Variants in SMC2 observed in about 807,000 individuals in gnomAD.
SMC2 encodes structural maintenance of chromosomes 2, also known as structural maintenance of chromosomes protein 2.
Under a neutral mutation model 142.6 loss-of-function variants are expected in SMC2, and 41 were observed. The ratio of observed to expected loss-of-function variants is 0.29; its 90% CI spans 0.22 to 0.37. The LOEUF is 0.37. Among genes scored for constraint, SMC2 ranks in the 10% least tolerant of loss-of-function variants. The probability of loss-of-function intolerance (pLI) is 1.00; values close to 1 mark genes in which losing one functional copy is unlikely to be tolerated. For synonymous variants in SMC2, 463 were observed against 457.5 expected (o/e 1.01, Z -0.15); for missense variants, 1,265 against 1,373.7 (o/e 0.92, Z 1.25).
At chr9:104,136,594 T>TTTTTTTTTTAAGATTAAG (rs1835552737) in intron 23 of SMC2, among the ~76,000 whole-genome samples, 1 of 149,976 alleles carries the variant, frequency 6.7e-6, no homozygotes, top group Non-Finnish European at 1.5e-5. Context: ...CACAGCAGAA[T>TTTTTTTTTTAAGATTAAG]TTTTTTTTTA....
intron 1 of SMC2, 87 bp downstream of exon 1, chr9:104,094,564 G>A: frequency 2.7e-6 from 1 of 366,666 alleles, no homozygotes; most frequent in Non-Finnish European, 4.9e-6. Flanking sequence ...CGCGGGGCGC[G>A]GGGGCTGTAG....
At chr9:104,106,862 G>C (rs1205204870) in intron 9 of SMC2, among the ~76,000 whole-genome samples, 2 of 152,014 alleles carry the variant, frequency 1.3e-5, no homozygotes, top group Non-Finnish European at 2.9e-5. Flanking sequence ...TGAGCGTAAT[G>C]CCCATGTTCA....
At chr9:104,137,615 C>T (rs1024205478) in intron 23 of SMC2, among the ~76,000 whole-genome samples, 5 of 152,032 alleles carry the variant, frequency 3.3e-5, no homozygotes, top group African/African-American at 1.2e-4. Flanking sequence ...TGACATCTAA[C>T]TCAGTTACTG....
rs777109270 is a variant in SMC2 at position 104,102,198 on chromosome 9, G to T, written c.870+5G>T. 1 of 1,458,632 alleles carries T rather than the reference G, an allele frequency of 6.9e-7. No homozygotes were observed. Among genetic ancestry groups the T allele is most frequent in the Non-Finnish European group, 9.5e-7 (1 of 1,056,310 alleles). The allele number at this position is 1,458,632 out of a possible 1,614,324, so 90.4% of individuals were successfully genotyped here. A position where few individuals can be genotyped will look rare whatever the true frequency, so the allele number is the denominator to read the frequency against. ...TTGGAAAAAAGAAAAGATAAGGTCT[G>T]AACATATGTATAAGAATCGATAATA... is the stretch of plus-strand genomic sequence containing the variant. On this transcript the variant is annotated splice_donor_5th_base_variant and intron_variant, in intron 8 of 24. Coordinates refer to ENST00000374793, the MANE Select transcript of SMC2 (RefSeq NM_006444.3).
intron 3 of SMC2, among the ~76,000 whole-genome samples, chr9:104,096,702 T>A (rs1830476652): frequency 6.6e-6 from 1 of 152,238 alleles, no homozygotes; most frequent in Admixed American, 6.5e-5. Flanking sequence ...TTTTATTCAT[T>A]AATCCTAGTC....
rs1832727692 is a variant in SMC2 at position 104,113,528 on chromosome 9, T to TA, written c.1414+58dup. ...ATCATGAGGAGGTAGTGATTTTTGA[T>TA]AAAAAGCTAATTTAAATAAAGAACG... On this transcript the variant is annotated intron_variant, in intron 11 of 24. Transcript: ENST00000374793. The TA allele has an allele frequency of 2.1e-5, 30 of 1,414,176 alleles. No homozygotes were observed. The South Asian group carries it at 2.7e-4, about 13-fold the overall frequency. 87.6% of individuals were successfully genotyped at this position (1,414,176 alleles called of 1,614,324 possible). A position where few individuals can be genotyped will look rare whatever the true frequency, so the allele number is the denominator to read the frequency against.
rs112954628 is a variant in SMC2 at position 104,099,832 on chromosome 9, A to G, written c.480+150A>G. On this transcript the variant is annotated intron_variant, in intron 5 of 24. Coordinates refer to ENST00000374793, the MANE Select transcript of SMC2 (RefSeq NM_006444.3). ...GTTGTATATTTGTGTAATATTTGGC[A>G]CTATGCCCAAATATTAAAATTGATT... 6.6e-4 allele frequency: 408 copies of G among 617,572 alleles called. 1 individual carries two copies. In the African/African-American group the frequency reaches 6.7e-3, roughly 10 times the overall value. 38.3% of individuals were successfully genotyped at this position (617,572 alleles called of 1,614,324 possible).
chr9:104,119,814 T>C (rs1325986101), intron 15 of SMC2, among the ~76,000 whole-genome samples: 2 of 152,172 alleles, frequency 1.3e-5, no homozygotes, highest in African/African-American at 4.8e-5. Context: ...AGTGGTTATT[T>C]TGAATAAATA....
intron 2 of SMC2, 102 bp from the exon 3 acceptor site, chr9:104,096,046 C>T (rs1830415206): frequency 1.0e-6 from 1 of 1,003,280 alleles, no homozygotes; most frequent in Admixed American, 2.3e-5. Context: ...ACTTAATGGA[C>T]ACTACGTTGG....
In SMC2 at chr9:104,140,998, C is replaced by G. The variant is rs1036763308; in HGVS notation, c.*1683C>G. ...GCTTGTGTGCGTTCCTGATTTTTGT[C>G]TTGTATAATCTTGATCTTTGAAAAC... On this transcript the variant is annotated 3_prime_UTR_variant, in exon 25 of 25. Coordinates refer to ENST00000374793, the MANE Select transcript of SMC2 (RefSeq NM_006444.3). 13 of 152,044 alleles carry G rather than the reference C, an allele frequency of 8.6e-5. No individual in the cohort carries two copies. Among genetic ancestry groups the G allele is most frequent in the East Asian group, 3.9e-4 (2 of 5,190 alleles). The allele number at this position is 152,044 out of a possible 1,614,324, so 9.4% of individuals were successfully genotyped here. A position where few individuals can be genotyped will look rare whatever the true frequency, so the allele number is the denominator to read the frequency against.
At chr9:104,104,574 A>G (rs1256913957) in intron 9 of SMC2, among the ~76,000 whole-genome samples, 1 of 152,132 alleles carries the variant, frequency 6.6e-6, no homozygotes, top group East Asian at 1.9e-4. Context: ...TCTTCTAACC[A>G]TTGCCTCCCT....
intron 7 of SMC2, among the ~76,000 whole-genome samples, chr9:104,100,740 T>G (rs1831022260): frequency 6.6e-6 from 1 of 152,196 alleles, no homozygotes; most frequent in Non-Finnish European, 1.5e-5. Flanking sequence ...GAACAACATT[T>G]CTTAAAGATA....
chr9:104,139,347 T>C lies in SMC2; in HGVS notation c.*32T>C, dbSNP rs1835874046. The C allele has an allele frequency of 6.5e-7, 1 of 1,534,196 alleles. No homozygotes were observed. Among genetic ancestry groups the C allele is most frequent in the Non-Finnish European group, 8.7e-7 (1 of 1,145,312 alleles). ...AAGTTATTTCTTCATCTTGACCTGT[T>C]TTTTTAAATGTAAACTTTTAAGGAC... On this transcript the variant is annotated 3_prime_UTR_variant, in exon 25 of 25. Coordinates refer to ENST00000374793, the MANE Select transcript of SMC2 (RefSeq NM_006444.3).
chr9:104,092,048 G>A (rs1399797580), upstream of SMC2: 1 of 152,212 alleles, frequency 6.6e-6, no homozygotes, highest in Non-Finnish European at 1.5e-5. Context: ...CTCCAAATTA[G>A]GGGGCTTCAC....
At chr9:104,102,698 C>A in intron 9 of SMC2, 125 bp downstream of exon 9, 1 of 1,012,290 alleles carries the variant, frequency 9.9e-7, no homozygotes, top group Non-Finnish European at 1.4e-6. Context: ...GTTGTTTGGG[C>A]TGTGGTTACA....
chr9:104,116,336 C>CTTAT lies in SMC2; in HGVS notation c.1791+22_1791+25dup. 2 of 1,590,568 alleles carry CTTAT rather than the reference C, an allele frequency of 1.3e-6. No individual in the cohort carries two copies. Among genetic ancestry groups the CTTAT allele is most frequent in the Non-Finnish European group, 8.5e-7 (1 of 1,171,198 alleles). On this transcript the variant is annotated intron_variant, in intron 14 of 24. Transcript: ENST00000374793. ...CAGAATCTTGTAAGTCTCATTTTGTCTTATTTATATGTTTAATCGTCATCT... is the reference window on the plus strand; with the variant it reads ...CAGAATCTTGTAAGTCTCATTTTGTCTTATTTATTTATATGTTTAATCGTCATCT...
chr9:104,112,176 A>G (rs1158172069), intron 10 of SMC2, among the ~76,000 whole-genome samples: 1 of 152,200 alleles, frequency 6.6e-6, no homozygotes, highest in Non-Finnish European at 1.5e-5. Context: ...TTGAAGTCTT[A>G]AGCTTTAACA....
chr9:104,129,617 T>A (rs777096496), intron 20 of SMC2, 28 bp from the exon 21 acceptor site: 2 of 1,535,180 alleles, frequency 1.3e-6, no homozygotes, highest in East Asian at 2.2e-5. Context: ...CATTCATAGA[T>A]CTCCCATCTA....
intron 23 of SMC2, among the ~76,000 whole-genome samples, chr9:104,137,343 T>A (rs950654000): frequency 1.3e-5 from 2 of 152,126 alleles, no homozygotes; most frequent in Non-Finnish European, 1.5e-5. Flanking sequence ...TAATAATAAT[T>A]ATGATTCTTC....
Sources: gnomAD v4.1 joint callset for allele counts (sites outside exome capture counted in the v4.1 genomes callset) on GRCh38, gnomAD v4.1.1 for gene constraint, MANE v1.5 for transcripts, NCBI Gene and HGNC (gene_info 2026-07-23, HGNC 2026-07-21) for gene names.